Variants in ALKBH1 observed in about 807,000 individuals in gnomAD.
ALKBH1 encodes nucleic acid dioxygenase ALKBH1.
A neutral mutation model predicts 36.6 loss-of-function variants in ALKBH1; 31 were observed. The observed-to-expected ratio is 0.85, with a 90% CI of 0.64 to 1.14. The LOEUF (loss-of-function observed/expected upper bound fraction) is 1.14. ALKBH1 is among the 50% of genes most tolerant of loss of function. The pLI, the probability that ALKBH1 is intolerant of heterozygous loss-of-function variation, is 0.00. For synonymous variants in ALKBH1, 183 were observed against 186.6 expected (o/e 0.98, Z 0.16); for missense variants, 490 against 497.3 (o/e 0.99, Z 0.14).
chr14:77,706,793 A>G (rs921643028), intron 1 of ALKBH1, among the ~76,000 whole-genome samples: 13 of 152,180 alleles, frequency 8.5e-5, no homozygotes, highest in African/African-American at 3.1e-4. Flanking sequence ...CTCTAAGACC[A>G]CTTTTTTTCC....
Position 77,707,702 on chromosome 14 carries a change from G to C in ALKBH1, c.183+120C>G, listed in dbSNP as rs2080403515. ...GGAGTTCGACTCTGCAGCCAAAGGAGGTCAGGAATCGTTCAATAACAATCG... is the reference window on the plus strand; with the variant it reads ...GGAGTTCGACTCTGCAGCCAAAGGACGTCAGGAATCGTTCAATAACAATCG... On this transcript the variant is annotated intron_variant, in intron 1 of 5. Transcript: ENST00000216489. 24 of 1,177,724 alleles carry C rather than the reference G, an allele frequency of 2.0e-5. No homozygotes were observed. The South Asian group carries it at 4.1e-4, about 20-fold the overall frequency. 73.0% of individuals were successfully genotyped at this position (1,177,724 alleles called of 1,614,324 possible).
At chr14:77,690,913 G>A (rs1005230634) in intron 3 of ALKBH1, among the ~76,000 whole-genome samples, 3 of 151,830 alleles carry the variant, frequency 2.0e-5, no homozygotes, top group Admixed American at 2.0e-4. Flanking sequence ...GTGATTCTCC[G>A]GCCTCTGCCT....
intron 3 of ALKBH1, 54 bp from the exon 4 acceptor site, chr14:77,680,024 C>G (rs930859714): frequency 2.8e-5 from 38 of 1,376,592 alleles, no homozygotes; most frequent in Non-Finnish European, 3.5e-5. Flanking sequence ...GCAGCAATAG[C>G]CGTTTGTATG....
At chr14:77,683,510 A>C (rs12432712) in intron 3 of ALKBH1, 36,907 of 676,136 alleles carry the variant, frequency 0.055, 1,212 homozygotes, top group African/African-American at 0.095. Flanking sequence ...TTGCCATGGC[A>C]ACATTTATGG....
Position 77,674,033 on chromosome 14 carries a change from A to G in ALKBH1, c.949T>C (p.Ser317Pro), listed in dbSNP as rs2080191091. ...APLPAVLPRDSMVEPCSMEDW... is the reference protein window; with the variant it reads ...APLPAVLPRDPMVEPCSMEDW... ...TCCATAGAACAAGGCTCTACCATTG[A>G]ATCTCTCGGGAGGACAGCAGGGAGA... is the stretch of plus-strand genomic sequence containing the variant. Residue 317 changes from serine (S) to proline (P), a missense_variant, in exon 6 of 6, where the codon TCA becomes CCA. Ser to Pro is a moderately conservative substitution (Grantham distance 74). Coordinates refer to ENST00000216489, the MANE Select transcript of ALKBH1 (RefSeq NM_006020.3). The G allele has an allele frequency of 1.2e-6, 2 of 1,614,172 alleles. No individual in the cohort carries two copies. The highest frequency in any genetic ancestry group is 1.7e-6 in the Non-Finnish European group (2 of 1,180,042).
At chr14:77,700,669 C>G (rs1007193082) in intron 2 of ALKBH1, among the ~76,000 whole-genome samples, 1 of 152,026 alleles carries the variant, frequency 6.6e-6, no homozygotes, top group Non-Finnish European at 1.5e-5. Flanking sequence ...TATAATATTC[C>G]CAAACATATT....
At chr14:77,679,577 T>C (rs938532446) in intron 4 of ALKBH1, among the ~76,000 whole-genome samples, 20 of 152,110 alleles carry the variant, frequency 1.3e-4, no homozygotes, top group African/African-American at 4.8e-4. Context: ...ACTGCAGGCA[T>C]GTGCCACCAG....
chr14:77,693,233 CAT>C (rs1289985474), intron 3 of ALKBH1, among the ~76,000 whole-genome samples: 1 of 124,828 alleles, frequency 8.0e-6, no homozygotes, highest in African/African-American at 2.9e-5. Flanking sequence ...AATTTTTTTT[CAT>C]AGAGATGGGG....
intron 2 of ALKBH1, among the ~76,000 whole-genome samples, chr14:77,698,280 A>T (rs570578377): frequency 6.9e-4 from 105 of 152,318 alleles, no homozygotes; most frequent in African/African-American, 2.4e-3. Flanking sequence ...AAGGTCTTGA[A>T]AGCTGGAAGA....
chr14:77,680,026 G>A (rs564325955), intron 3 of ALKBH1, 56 bp from the exon 4 acceptor site: 45 of 1,342,388 alleles, frequency 3.4e-5, no homozygotes, highest in African/African-American at 1.3e-4. Flanking sequence ...AGCAATAGCC[G>A]TTTGTATGGA....
chr14:77,675,251 G>A (rs921792381), intron 5 of ALKBH1, among the ~76,000 whole-genome samples: 2 of 151,740 alleles, frequency 1.3e-5, no homozygotes, highest in South Asian at 2.1e-4. Context: ...TGGGCAACAC[G>A]ATGAAACCCC....
chr14:77,680,088 A>C, intron 3 of ALKBH1, 118 bp from the exon 4 acceptor site: 1 of 712,652 alleles, frequency 1.4e-6, no homozygotes, highest in South Asian at 1.6e-5. Context: ...GCCAAGACTC[A>C]GTAGGAGAAA....
intron 3 of ALKBH1, chr14:77,692,075 A>G (rs576376237): frequency 6.6e-6 from 1 of 152,336 alleles, no homozygotes; most frequent in East Asian, 1.9e-4. Flanking sequence ...TCGGCATGAC[A>G]GTTTCTGAAA....
chr14:77,673,659 G>A lies in ALKBH1; in HGVS notation c.*153C>T, dbSNP rs140632821. The A allele has an allele frequency of 6.0e-5, 45 of 749,534 alleles. No homozygotes were observed. The East Asian group carries it at 9.9e-4, about 17-fold the overall frequency. 46.4% of individuals were successfully genotyped at this position (749,534 alleles called of 1,614,324 possible). On this transcript the variant is annotated 3_prime_UTR_variant, in exon 6 of 6. Coordinates refer to ENST00000216489, the MANE Select transcript of ALKBH1 (RefSeq NM_006020.3). ...GAGCAAAGTGGCTGAGTTTACTTCT[G>A]CGTGGGTTCCAAGGCAACAGTGTGA...
intron 4 of ALKBH1, among the ~76,000 whole-genome samples, chr14:77,676,380 G>C (rs569640944): frequency 5.9e-5 from 9 of 151,988 alleles, no homozygotes; most frequent in Non-Finnish European, 1.3e-4. Flanking sequence ...ATACTGCATT[G>C]AGTCTATACA....
intron 2 of ALKBH1, among the ~76,000 whole-genome samples, chr14:77,698,458 T>C (rs2080341087): frequency 1.3e-5 from 2 of 152,128 alleles, no homozygotes. Flanking sequence ...CCCAATAAGA[T>C]AAATAGCAAG....
chr14:77,683,540 T>A, intron 3 of ALKBH1: 1 of 607,728 alleles, frequency 1.6e-6, no homozygotes. Context: ...TTTTGAACAG[T>A]ACCCATTCCC....
At chr14:77,700,770 G>A (rs973738685) in intron 2 of ALKBH1, among the ~76,000 whole-genome samples, 14 of 152,090 alleles carry the variant, frequency 9.2e-5, no homozygotes, top group African/African-American at 3.4e-4. Context: ...TTAGACAACT[G>A]TTGTCTTCTT....
Position 77,673,856 on chromosome 14 carries a change from G to A in ALKBH1, c.1126C>T (p.Gln376Ter). ...STEGFCHLDD[Q>*]NSEVKRARIN... Reference sequence around the variant, plus strand: ...CTGGCCCGTTTTACTTCGCTATTCTGGTCATCCAGATGGCAGAAACCTTCT... The same window carrying A: ...CTGGCCCGTTTTACTTCGCTATTCTAGTCATCCAGATGGCAGAAACCTTCT... Residue 376 changes from glutamine to a stop codon, truncating the protein, a stop_gained, in exon 6 of 6, where the codon CAG becomes TAG. Transcript: ENST00000216489. LOFTEE classifies it high-confidence loss of function. The A allele has an allele frequency of 2.5e-6, 4 of 1,614,158 alleles. No individual in the cohort carries two copies. In the South Asian group the frequency reaches 4.4e-5, roughly 18 times the overall value.
Sources: gnomAD v4.1 joint callset for allele counts (sites outside exome capture counted in the v4.1 genomes callset) on GRCh38, gnomAD v4.1.1 for gene constraint, MANE v1.5 for transcripts, NCBI Gene and HGNC (gene_info 2026-07-23, HGNC 2026-07-21) for gene names.